The following MYH13 variants were observed in gnomAD, a reference collection of about 807,000 sequenced individuals.
The protein encoded by MYH13 is myosin heavy chain 13.
In MYH13, 177 loss-of-function variants were observed where a neutral mutation model predicts 232.1. The ratio of observed to expected loss-of-function variants is 0.76; its 90% CI spans 0.67 to 0.86. MYH13 has a LOEUF of 0.86. MYH13 is among the 40% of genes least tolerant of loss of function. The pLI, the probability that MYH13 is intolerant of heterozygous loss-of-function variation, is 0.00. For synonymous variants in MYH13, 884 were observed against 923.5 expected (o/e 0.96, Z 0.78); for missense variants, 2,246 against 2,405.9 (o/e 0.93, Z 1.39).
In MYH13 at chr17:10,345,468, T is replaced by A; in HGVS notation, c.1412A>T (p.Asp471Val). ...VLDIAGFEIF[D>V]FNSLEQLCIN... The stretch of plus-strand genomic sequence containing the variant: ...AGAAAGTAGAAGGTCACAACTCACA[T>A]CAAAGATCTCAAAGCCAGCAATGTC... The change falls in exon 14 of 41, where the codon GAT (aspartate) becomes GTT (valine). Residue 471 changes from aspartate to valine, a missense_variant and splice_region_variant. Asp to Val is a radical substitution (Grantham distance 152, BLOSUM62 -3). Transcript: ENST00000252172. 2 of 1,614,156 alleles carry A rather than the reference T, an allele frequency of 1.2e-6. No individual in the cohort carries two copies. The highest frequency in any genetic ancestry group is 1.7e-6 in the Non-Finnish European group (2 of 1,180,038).
At chr17:10,320,117 G>C in intron 26 of MYH13, 36 bp downstream of exon 26, 1 of 1,505,176 alleles carries the variant, frequency 6.6e-7, no homozygotes, top group South Asian at 1.2e-5. Flanking sequence ...TCTTGCAAAG[G>C]GATTGTCATG....
chr17:10,359,318 T>C (rs1357387575), intron 7 of MYH13, among the ~76,000 whole-genome samples: 1 of 152,196 alleles, frequency 6.6e-6, no homozygotes, highest in African/African-American at 2.4e-5. Flanking sequence ...CATGCTCATG[T>C]AATGCAACCT....
chr17:10,357,830 A>G lies in MYH13; in HGVS notation c.646-3T>C. The G allele has an allele frequency of 6.2e-7, 1 of 1,610,818 alleles. No individual in the cohort carries two copies. Among genetic ancestry groups the G allele is most frequent in the South Asian group, 1.1e-5 (1 of 90,608 alleles). On this transcript the variant is annotated splice_region_variant and splice_polypyrimidine_tract_variant and intron_variant, in intron 7 of 40. Transcript: ENST00000252172. Reference sequence around the variant, plus strand: ...ATGATCTGATCCTCTAGGGTTCCCTAATAATAAACAAGAAGAGGAAAAAGA... The same window carrying G: ...ATGATCTGATCCTCTAGGGTTCCCTGATAATAAACAAGAAGAGGAAAAAGA...
intron 22 of MYH13, 90 bp from the exon 23 acceptor site, chr17:10,324,354 C>T: frequency 1.3e-6 from 2 of 1,503,758 alleles, no homozygotes; most frequent in Non-Finnish European, 1.8e-6. Flanking sequence ...TTATTATCTA[C>T]ACCTAAGCCA....
intron 18 of MYH13, 149 bp from the exon 19 acceptor site, chr17:10,333,340 G>T: frequency 1.6e-6 from 1 of 641,888 alleles, no homozygotes; most frequent in South Asian, 1.8e-5. Context: ...GTAGAGGGCT[G>T]GGGGTGGCTA....
chr17:10,355,574 C>G (rs1192548811), intron 8 of MYH13, among the ~76,000 whole-genome samples: 1 of 152,130 alleles, frequency 6.6e-6, no homozygotes, highest in African/African-American at 2.4e-5. Context: ...GGAAGGGATG[C>G]CAGAACATGG....
chr17:10,354,290 T>C (rs1429454101), intron 11 of MYH13, among the ~76,000 whole-genome samples: 1 of 152,068 alleles, frequency 6.6e-6, no homozygotes, highest in East Asian at 1.9e-4. Flanking sequence ...TATTACAGAG[T>C]GGGCTTGGTT....
chr17:10,322,267 G>A (rs181516785), intron 23 of MYH13, among the ~76,000 whole-genome samples: 5 of 152,112 alleles, frequency 3.3e-5, no homozygotes, highest in East Asian at 1.9e-4. Context: ...GCATGGTGGT[G>A]GGCACCTGTA....
At chr17:10,316,534 A>G (rs368911284) in intron 27 of MYH13, among the ~76,000 whole-genome samples, 5 of 152,226 alleles carry the variant, frequency 3.3e-5, no homozygotes, top group African/African-American at 9.6e-5. Flanking sequence ...CATCAGGTAG[A>G]TAAGTATTTA....
At chr17:10,311,414 G>T (rs532446876) in intron 32 of MYH13, among the ~76,000 whole-genome samples, 187 bp from the exon 33 acceptor site, 1 of 152,246 alleles carries the variant, frequency 6.6e-6, no homozygotes, top group South Asian at 2.1e-4. Flanking sequence ...AGGCAGACAG[G>T]AACCACAAGT....
intron 16 of MYH13, among the ~76,000 whole-genome samples, chr17:10,342,506 T>G (rs1163143158): frequency 3.3e-5 from 5 of 152,196 alleles, no homozygotes; most frequent in Non-Finnish European, 7.3e-5. Context: ...ACATATAAAC[T>G]TCTATACAAA....
At chr17:10,332,314 C>T (rs1299227601) in intron 19 of MYH13, 92 bp from the exon 20 acceptor site, 8 of 1,511,128 alleles carry the variant, frequency 5.3e-6, no homozygotes, top group African/African-American at 1.4e-5. Context: ...CTGCTCAAGC[C>T]TTAGGAGGAA....
chr17:10,365,116 C>T (rs539457976), intron 2 of MYH13, among the ~76,000 whole-genome samples: 47 of 152,286 alleles, frequency 3.1e-4, no homozygotes, highest in South Asian at 8.3e-4. Flanking sequence ...CTCAGGTAAT[C>T]TGCCCGCCTT....
intron 30 of MYH13, 142 bp from the exon 31 acceptor site, chr17:10,312,899 G>T: frequency 1.8e-6 from 2 of 1,140,952 alleles, no homozygotes; most frequent in Non-Finnish European, 2.4e-6. Flanking sequence ...GAGTGGGGAG[G>T]ATCCAAGTGT....
rs1478356154 is a variant in MYH13 at position 10,364,326 on chromosome 17, C to A, written c.204+1G>T. The A allele has an allele frequency of 6.8e-6, 11 of 1,612,204 alleles. No individual in the cohort carries two copies. In the East Asian group the frequency reaches 2.5e-4, roughly 36 times the overall value. ...CAAAGACATCTGTAATCAACACTCA[C>A]CCGGTCATCGAGGGTCTTGACTATG... On this transcript the variant is annotated splice_donor_variant, in intron 3 of 40. Transcript: ENST00000252172. LOFTEE classifies it high-confidence loss of function.
rs78557459 is a variant in MYH13, at chr17:10,346,623, A to G, written c.1263+57T>C. On this transcript the variant is annotated intron_variant, in intron 13 of 40. Coordinates refer to ENST00000252172, the MANE Select transcript of MYH13 (RefSeq NM_003802.3). Reference sequence around the variant, plus strand: ...TACCTGCAACTGAAGGAGCTTTAAGATAATGGCTCAAATAGCAAAAGATCT... The same window carrying G: ...TACCTGCAACTGAAGGAGCTTTAAGGTAATGGCTCAAATAGCAAAAGATCT... The G allele has an allele frequency of 2.7e-4, 374 of 1,389,218 alleles. 2 individuals are homozygous for G. In the East Asian group the frequency reaches 8.5e-3, roughly 32 times the overall value. 86.1% of individuals were successfully genotyped at this position (1,389,218 alleles called of 1,614,324 possible).
At chr17:10,347,712 CTTTTTTT>C (rs71139041) in intron 12 of MYH13, among the ~76,000 whole-genome samples, 14 of 86,728 alleles carry the variant, frequency 1.6e-4, no homozygotes, top group African/African-American at 5.3e-4. Context: ...GGGACTACTT[CTTTTTTT>C]TTTTTTTTTT....
intron 5 of MYH13, among the ~76,000 whole-genome samples, chr17:10,361,883 C>T (rs570047786): frequency 6.6e-6 from 1 of 152,198 alleles, no homozygotes; most frequent in Non-Finnish European, 1.5e-5. Context: ...TCCTTGTGTT[C>T]CACATTCTCC....
chr17:10,328,677 CGT>C (rs1567663173), intron 21 of MYH13, among the ~76,000 whole-genome samples: 3 of 123,966 alleles, frequency 2.4e-5, no homozygotes, highest in Non-Finnish European at 3.4e-5. Context: ...CTTTTCTATT[CGT>C]TTTTTTTTTT....
Sources: allele counts gnomAD v4.1 joint callset (sites outside exome capture counted in the v4.1 genomes callset), GRCh38; gene constraint gnomAD v4.1.1; transcripts MANE v1.5; gene names NCBI Gene and HGNC (gene_info 2026-07-23, HGNC 2026-07-21).